PTPRD: variants seen among roughly 807,000 people sequenced by gnomAD.
PTPRD encodes receptor-type tyrosine-protein phosphatase delta.
In PTPRD, 34 loss-of-function variants were observed where a neutral mutation model predicts 214.5. The observed-to-expected ratio is 0.16, with a 90% CI of 0.12 to 0.21. The LOEUF is 0.21. PTPRD is among the 10% of genes least tolerant of loss of function. PTPRD has a pLI of 1.00. For synonymous variants in PTPRD, 1,128 were observed against 845.7 expected (o/e 1.33, Z -5.79); for missense variants, 2,545 against 2,398.7 (o/e 1.06, Z -1.27).
chr9:10,481,889 C>G (rs2099100122), intron 2 of PTPRD, among the ~76,000 whole-genome samples: 1 of 151,980 alleles, frequency 6.6e-6, no homozygotes, highest in East Asian at 1.9e-4. Context: ...TTCTGAAATA[C>G]AGCAATTGAA....
intron 2 of PTPRD, among the ~76,000 whole-genome samples, chr9:10,415,453 A>G (rs1406210136): frequency 6.6e-6 from 1 of 151,914 alleles, no homozygotes; most frequent in Non-Finnish European, 1.5e-5. Context: ...AATGGTTATC[A>G]TTTTAATATT....
At chr9:9,136,661 C>T (rs1244123951) in intron 10 of PTPRD, among the ~76,000 whole-genome samples, 1 of 152,030 alleles carries the variant, frequency 6.6e-6, no homozygotes, top group Non-Finnish European at 1.5e-5. Flanking sequence ...TGCAGTGTTT[C>T]CATGTAGTAG....
intron 8 of PTPRD, among the ~76,000 whole-genome samples, chr9:9,420,544 T>C (rs2078389399): frequency 1.3e-5 from 2 of 151,922 alleles, no homozygotes; most frequent in Admixed American, 1.3e-4. Context: ...TGTGAATAAC[T>C]TTGGGTCTAA....
intron 2 of PTPRD, among the ~76,000 whole-genome samples, chr9:10,511,682 G>A (rs1178370349): frequency 6.7e-6 from 1 of 150,302 alleles, no homozygotes; most frequent in Non-Finnish European, 1.5e-5. Flanking sequence ...CCAAAGTGCT[G>A]AGATTACAGG....
At chr9:10,533,888 G>GT (rs1435331320) in intron 2 of PTPRD, among the ~76,000 whole-genome samples, 6 of 151,232 alleles carry the variant, frequency 4.0e-5, no homozygotes, top group African/African-American at 1.5e-4. Context: ...CATATAACTA[G>GT]TTTCACCTTT....
In PTPRD at chr9:9,604,868, T is replaced by C. The variant is rs565951615; in HGVS notation, c.-286-30087A>G. Among the ~76,000 whole-genome samples the C allele has an allele frequency of 2.0e-5, 3 of 151,856 alleles. No homozygotes were observed. The East Asian group carries it at 5.8e-4, about 29-fold the overall frequency. ...GAATATCAAAAAAAGAAAACTATTA[T>C]TAAAGAACAAAAAAAAAAGAGAGGT... On this transcript the variant is annotated intron_variant, in intron 7 of 45. Coordinates refer to ENST00000381196, the MANE Select transcript of PTPRD (RefSeq NM_002839.4).
At chr9:9,076,204 G>C (rs2099750910) in intron 10 of PTPRD, among the ~76,000 whole-genome samples, 1 of 151,866 alleles carries the variant, frequency 6.6e-6, no homozygotes. Flanking sequence ...CTGCATAAAT[G>C]TCTTCGAGAC....
At chr9:10,387,955 C>T (rs1472794204) in intron 2 of PTPRD, among the ~76,000 whole-genome samples, 1 of 150,634 alleles carries the variant, frequency 6.6e-6, no homozygotes, top group Non-Finnish European at 1.5e-5. Flanking sequence ...GCCACTGTGC[C>T]CAGCAATTTT....
intron 11 of PTPRD, among the ~76,000 whole-genome samples, chr9:8,899,913 G>A (rs12552171): frequency 0.11 from 16,895 of 152,194 alleles, 1,359 homozygotes; most frequent in East Asian, 0.28. Flanking sequence ...AATGGGAGCA[G>A]ATAAACGATT....
intron 5 of PTPRD, among the ~76,000 whole-genome samples, chr9:9,873,749 C>A (rs1001805027): frequency 6.6e-6 from 1 of 152,110 alleles, no homozygotes; most frequent in African/African-American, 2.4e-5. Flanking sequence ...TTAAAATATT[C>A]TTTCTCCATC....
chr9:8,508,490 C>T (rs1285814702), intron 21 of PTPRD, among the ~76,000 whole-genome samples: 2 of 152,106 alleles, frequency 1.3e-5, no homozygotes, highest in Non-Finnish European at 2.9e-5. Flanking sequence ...GATCATTACC[C>T]TTGATATTAT....
At chr9:8,544,106 G>C (rs924915567) in intron 14 of PTPRD, among the ~76,000 whole-genome samples, 1 of 151,596 alleles carries the variant, frequency 6.6e-6, no homozygotes, top group African/African-American at 2.4e-5. Flanking sequence ...CATTTGCTGG[G>C]AACCTATTGG....
At chr9:9,731,297 T>G (rs2098187080) in intron 7 of PTPRD, among the ~76,000 whole-genome samples, 1 of 152,138 alleles carries the variant, frequency 6.6e-6, no homozygotes, top group Non-Finnish European at 1.5e-5. Flanking sequence ...TGGTTTTAAT[T>G]TTACATTTAT....
intron 3 of PTPRD, among the ~76,000 whole-genome samples, chr9:10,280,918 A>C (rs538929277): frequency 7.2e-5 from 11 of 152,248 alleles, no homozygotes; most frequent in Middle Eastern, 3.4e-3. Flanking sequence ...ACCAGGCCAA[A>C]TTTGAATTTT....
At chr9:9,067,457 G>A (rs1178631891) in intron 10 of PTPRD, among the ~76,000 whole-genome samples, 2 of 152,102 alleles carry the variant, frequency 1.3e-5, no homozygotes, top group African/African-American at 2.4e-5. Context: ...AGTGTACCAT[G>A]TTTCTAAGGT....
At chr9:8,942,938 G>C (rs1210930170) in intron 11 of PTPRD, among the ~76,000 whole-genome samples, 1 of 152,102 alleles carries the variant, frequency 6.6e-6, no homozygotes, top group African/African-American at 2.4e-5. Context: ...AACAAATTCA[G>C]TAAAGTTGCA....
chr9:9,969,692 A>G (rs956890860), intron 4 of PTPRD, among the ~76,000 whole-genome samples: 1 of 152,218 alleles, frequency 6.6e-6, no homozygotes, highest in Non-Finnish European at 1.5e-5. Context: ...CCCCTGGATG[A>G]CTTCTCTGAT....
intron 7 of PTPRD, among the ~76,000 whole-genome samples, chr9:9,619,258 A>G (rs1408361786): frequency 6.6e-6 from 1 of 151,984 alleles, no homozygotes; most frequent in African/African-American, 2.4e-5. Flanking sequence ...AGACTTGCAG[A>G]TGTTGAAATG....
At chr9:10,234,850 T>C (rs569215516) in intron 3 of PTPRD, among the ~76,000 whole-genome samples, 2 of 152,028 alleles carry the variant, frequency 1.3e-5, no homozygotes, top group South Asian at 2.1e-4. Flanking sequence ...CTTCGGGAGA[T>C]TAACTTACTA....
Sources: allele counts gnomAD v4.1 joint callset (sites outside exome capture counted in the v4.1 genomes callset), GRCh38; gene constraint gnomAD v4.1.1; transcripts MANE v1.5; gene names NCBI Gene and HGNC (gene_info 2026-07-23, HGNC 2026-07-21).